The following BBS9 variants were observed in gnomAD, a reference collection of about 807,000 sequenced individuals.
BBS9 encodes Bardet-Biedl syndrome 9.
BBS9 carries 89 observed loss-of-function variants against 117.7 expected under a neutral mutation model. That is an observed-to-expected ratio of 0.76 (90% CI 0.64 to 0.90). BBS9 has a LOEUF of 0.90. Ranked by LOEUF, BBS9 falls within the 40% of genes least tolerant of loss-of-function variation. The pLI, the probability that BBS9 is intolerant of heterozygous loss-of-function variation, is 0.00. For synonymous variants in BBS9, 379 were observed against 370.9 expected, an observed-to-expected ratio of 1.02 and a Z score of -0.25; for missense variants, 982 against 1,042.2, an observed-to-expected ratio of 0.94 and a Z score of 0.80.
At chr7:33,484,672 G>T (rs1004548315) in intron 19 of BBS9, among the ~76,000 whole-genome samples, 2 of 152,172 alleles carry the variant, frequency 1.3e-5, no homozygotes, top group Admixed American at 1.3e-4. Context: ...GAAGGAAAAA[G>T]GAATGCTTTT....
chr7:33,435,288 G>A (rs1835132601), intron 19 of BBS9, among the ~76,000 whole-genome samples: 1 of 152,024 alleles, frequency 6.6e-6, no homozygotes, highest in African/African-American at 2.4e-5. Context: ...AAATTTACTG[G>A]CTATATGACC....
At chr7:33,387,888 A>G in intron 18 of BBS9, 104 bp from the exon 19 acceptor site, 2 of 1,336,498 alleles carry the variant, frequency 1.5e-6, no homozygotes, top group Non-Finnish European at 1.1e-6. Flanking sequence ...ATGCATTTAA[A>G]TTTCTTCATT....
chr7:33,595,533 C>T (rs1267197053), intron 21 of BBS9, among the ~76,000 whole-genome samples: 1 of 151,962 alleles, frequency 6.6e-6, no homozygotes, highest in Non-Finnish European at 1.5e-5. Flanking sequence ...AGTCAGGAGA[C>T]AATAGATGCT....
intron 21 of BBS9, among the ~76,000 whole-genome samples, chr7:33,561,021 A>G (rs915339006): frequency 2.6e-5 from 4 of 152,038 alleles, no homozygotes; most frequent in Admixed American, 6.5e-5. Flanking sequence ...TTTTCTCCTT[A>G]TGCTACTTCT....
chr7:33,391,959 T>C (rs754907044), intron 19 of BBS9, among the ~76,000 whole-genome samples: 1 of 152,236 alleles, frequency 6.6e-6, no homozygotes, highest in Non-Finnish European at 1.5e-5. Flanking sequence ...TCCTTCCTTA[T>C]GTATGCCAAG....
chr7:33,399,384 T>C (rs1027737198), intron 19 of BBS9, among the ~76,000 whole-genome samples: 7 of 152,194 alleles, frequency 4.6e-5, no homozygotes, highest in African/African-American at 1.4e-4. Flanking sequence ...AAACTATACA[T>C]TCAAATATTG....
chr7:33,280,582 A>G (rs373354591), intron 9 of BBS9, among the ~76,000 whole-genome samples: 18 of 152,196 alleles, frequency 1.2e-4, no homozygotes, highest in Non-Finnish European at 2.2e-4. Flanking sequence ...ATGAACTACT[A>G]TTTGACTTTC....
chr7:33,201,953 G>T (rs540547008), intron 5 of BBS9, among the ~76,000 whole-genome samples: 1 of 152,270 alleles, frequency 6.6e-6, no homozygotes, highest in African/African-American at 2.4e-5. Context: ...GATTACAGAA[G>T]CTCGGCTGTA....
chr7:33,302,807 T>G (rs1806771271), intron 9 of BBS9, among the ~76,000 whole-genome samples: 1 of 152,222 alleles, frequency 6.6e-6, no homozygotes, highest in South Asian at 2.1e-4. Context: ...TTTTTCCATT[T>G]CTGTGAAGAA....
At chr7:33,611,854 T>A (rs1370740048) in intron 21 of BBS9, among the ~76,000 whole-genome samples, 1 of 142,632 alleles carries the variant, frequency 7.0e-6, no homozygotes, top group Non-Finnish European at 1.5e-5. Context: ...TATATAATAA[T>A]ATATAAAGGA....
intron 19 of BBS9, among the ~76,000 whole-genome samples, chr7:33,474,674 G>C (rs1031721420): frequency 1.3e-5 from 2 of 152,190 alleles, no homozygotes; most frequent in Non-Finnish European, 2.9e-5. Flanking sequence ...CTGGCTGGGC[G>C]TGATGGCTCA....
At chr7:33,352,896 A>C (rs1354630378) in intron 15 of BBS9, 23 bp downstream of exon 15, 1 of 1,605,842 alleles carries the variant, frequency 6.2e-7, no homozygotes, top group East Asian at 2.2e-5. Flanking sequence ...ATAATTTAGA[A>C]AAAAATGAAT....
intron 21 of BBS9, among the ~76,000 whole-genome samples, chr7:33,546,124 A>G (rs548564662): frequency 6.7e-4 from 102 of 151,776 alleles, no homozygotes; most frequent in East Asian, 1.2e-3. Context: ...TAGTAGAGAC[A>G]GGGTTTCACT....
At chr7:33,193,189 T>C (rs930800328) in intron 5 of BBS9, among the ~76,000 whole-genome samples, 6 of 152,198 alleles carry the variant, frequency 3.9e-5, no homozygotes, top group Non-Finnish European at 5.9e-5. Context: ...TGGTATCTCC[T>C]ATATATATCT....
rs148444434 is a variant in BBS9, at chr7:33,246,622, G to A, written c.443-10614G>A. ...AACTGGTTATATTTTTAAAATTTAT[G>A]CCTCAACGTTATACTCATTCTTTAA... On this transcript the variant is annotated intron_variant, in intron 5 of 22. Coordinates refer to ENST00000242067, the MANE Select transcript of BBS9 (RefSeq NM_198428.3). Among the ~76,000 whole-genome samples, 141 of 152,102 alleles carry A rather than the reference G, an allele frequency of 9.3e-4. 1 individual carries two copies. In the East Asian group the frequency reaches 0.019, roughly 21 times the overall value.
intron 7 of BBS9, among the ~76,000 whole-genome samples, chr7:33,272,247 A>T (rs749214607): frequency 6.6e-6 from 1 of 152,154 alleles, no homozygotes; most frequent in Non-Finnish European, 1.5e-5. Context: ...TAACTATCAC[A>T]TACTACGCTT....
intron 19 of BBS9, among the ~76,000 whole-genome samples, chr7:33,496,887 C>T (rs1844802475): frequency 6.6e-6 from 1 of 152,140 alleles, no homozygotes; most frequent in Admixed American, 6.5e-5. Flanking sequence ...GGTAAAAGAA[C>T]AATTCTTTTG....
chr7:33,294,290 CATCTATCTATCTATCTATCT>C (rs57892221), intron 9 of BBS9, among the ~76,000 whole-genome samples: 13,364 of 141,230 alleles, frequency 0.095, 716 homozygotes, highest in African/African-American at 0.11. Flanking sequence ...ATCTATCTAT[CATCTATCTATCTATCTATCT>C]ATCTATCTAT....
At chr7:33,429,001 A>G (rs76762781) in intron 19 of BBS9, among the ~76,000 whole-genome samples, 2,704 of 152,272 alleles carry the variant, frequency 0.018, 38 homozygotes, top group Non-Finnish European at 0.024. Context: ...GAGATTAACA[A>G]TACACTTATA....
Sources: gnomAD v4.1 joint callset for allele counts (sites outside exome capture counted in the v4.1 genomes callset) on GRCh38, gnomAD v4.1.1 for gene constraint, MANE v1.5 for transcripts, NCBI Gene and HGNC (gene_info 2026-07-23, HGNC 2026-07-21) for gene names.